Variants in AXDND1 observed in about 807,000 individuals in gnomAD.
AXDND1 encodes axonemal dynein light chain domain-containing protein 1.
Under a neutral mutation model 137.5 loss-of-function variants are expected in AXDND1, and 110 were observed. The observed-to-expected ratio is 0.80, with a 90% CI of 0.69 to 0.94. The LOEUF (loss-of-function observed/expected upper bound fraction) is 0.94, where lower values mean the gene tolerates loss of function less well. Ranked by LOEUF, AXDND1 falls within the 40% of genes least tolerant of loss-of-function variation. The pLI is 0.00. For missense variants in AXDND1, 1,191 were observed against 1,169.8 expected, an observed-to-expected ratio of 1.02 and a Z score of -0.26; for synonymous variants, 414 against 399.7, an observed-to-expected ratio of 1.04 and a Z score of -0.43.
intron 4 of AXDND1, among the ~76,000 whole-genome samples, chr1:179,373,487 A>G (rs567108340): frequency 6.6e-6 from 1 of 152,316 alleles, no homozygotes; most frequent in African/African-American, 2.4e-5. Context: ...TTTAAATTTC[A>G]TACGGAACCA....
At chr1:179,447,138 C>T (rs1321980615) in intron 16 of AXDND1, among the ~76,000 whole-genome samples, 1 of 152,152 alleles carries the variant, frequency 6.6e-6, no homozygotes, top group Non-Finnish European at 1.5e-5. Context: ...CCCTTCTCTC[C>T]TATTGAATAC....
chr1:179,412,140 T>C (rs923115324), intron 12 of AXDND1, among the ~76,000 whole-genome samples: 2 of 152,188 alleles, frequency 1.3e-5, no homozygotes, highest in African/African-American at 2.4e-5. Flanking sequence ...CATGAGCCAC[T>C]GTGGCTGACC....
intron 20 of AXDND1, among the ~76,000 whole-genome samples, chr1:179,499,751 A>G (rs1159011816): frequency 1.3e-5 from 2 of 152,170 alleles, no homozygotes; most frequent in Non-Finnish European, 2.9e-5. Context: ...GCAAAAAATT[A>G]TTTCAGGAAT....
chr1:179,366,456 A>C lies in AXDND1; in HGVS notation c.-54A>C, dbSNP rs1571487105. 2 of 1,451,782 alleles carry C rather than the reference A, an allele frequency of 1.4e-6. No homozygotes were observed. Among genetic ancestry groups the C allele is most frequent in the Admixed American group, 1.7e-5 (1 of 59,314 alleles). The allele number at this position is 1,451,782 out of a possible 1,614,324, so 89.9% of individuals were successfully genotyped here. A position where few individuals can be genotyped will look rare whatever the true frequency, so the allele number is the denominator to read the frequency against. ...TGCGGCGCTGATTTGTGTCTAAATTAGCTTTCCGGAGGACTATTTCAAATT... is the reference window on the plus strand; with the variant it reads ...TGCGGCGCTGATTTGTGTCTAAATTCGCTTTCCGGAGGACTATTTCAAATT... On this transcript the variant is annotated 5_prime_UTR_variant, in exon 2 of 26. Coordinates refer to ENST00000367618, the MANE Select transcript of AXDND1 (RefSeq NM_144696.6).
At chr1:179,427,524 A>G (rs1435485072) in intron 12 of AXDND1, among the ~76,000 whole-genome samples, 1 of 152,214 alleles carries the variant, frequency 6.6e-6, no homozygotes, top group African/African-American at 2.4e-5. Flanking sequence ...ACTTCATGAG[A>G]TTCAAATATC....
chr1:179,528,263 GC>G, intron 22 of AXDND1, 63 bp from the exon 23 acceptor site: 1 of 1,153,944 alleles, frequency 8.7e-7, no homozygotes, highest in Non-Finnish European at 1.3e-6. Flanking sequence ...TTGCTACCGT[GC>G]CAGGAAACTT....
intron 23 of AXDND1, among the ~76,000 whole-genome samples, chr1:179,533,366 T>C (rs1671203948): frequency 2.0e-5 from 3 of 152,200 alleles, no homozygotes; most frequent in South Asian, 4.1e-4. Flanking sequence ...AACGACTTCA[T>C]TGGATTTTGC....
Position 179,468,458 on chromosome 1 carries a change from T to C in AXDND1, c.1814T>C (p.Leu605Pro), listed in dbSNP as rs749152269. The C allele has an allele frequency of 2.3e-5, 37 of 1,608,460 alleles. No individual in the cohort carries two copies. Among genetic ancestry groups the C allele is most frequent in the Non-Finnish European group, 3.1e-5 (37 of 1,177,906 alleles). The change falls in exon 17 of 26, where the codon CTT (leucine) becomes CCT (proline). Residue 605 changes from leucine (L) to proline (P), a missense_variant. Transcript: ENST00000367618. ...ACTTTTCTAGGTTACTCCAAAATTC[T>C]TCCAAGTTTGATTAGTTCTCTTGAC... ...INGDNGYSKI[L>P]PSLISSLDFC... is the part of the protein sequence containing the mutation.
intron 15 of AXDND1, among the ~76,000 whole-genome samples, chr1:179,436,919 TC>T (rs1658239437): frequency 6.6e-6 from 1 of 152,126 alleles, no homozygotes; most frequent in Admixed American, 6.6e-5. Flanking sequence ...ACTTTTTTCT[TC>T]TTTGAATATA....
At chr1:179,478,576 AT>A (rs1334921687) in intron 17 of AXDND1, among the ~76,000 whole-genome samples, 1 of 152,088 alleles carries the variant, frequency 6.6e-6, no homozygotes, top group South Asian at 2.1e-4. Flanking sequence ...CCATGAAGCC[AT>A]TTTTTCCTCC....
At chr1:179,490,473 A>G (rs1161709554) in intron 18 of AXDND1, among the ~76,000 whole-genome samples, 1 of 152,234 alleles carries the variant, frequency 6.6e-6, no homozygotes, top group Non-Finnish European at 1.5e-5. Flanking sequence ...TTGGGTTTCA[A>G]TATTTTCACA....
chr1:179,371,297 G>A (rs1009725926), intron 4 of AXDND1, among the ~76,000 whole-genome samples: 4 of 152,026 alleles, frequency 2.6e-5, no homozygotes, highest in Admixed American at 6.5e-5. Context: ...GCGTGGTGGC[G>A]CACACCTGTA....
At chr1:179,444,707 T>C (rs1191495259) in intron 15 of AXDND1, among the ~76,000 whole-genome samples, 2 of 152,018 alleles carry the variant, frequency 1.3e-5, no homozygotes, top group East Asian at 1.9e-4. Flanking sequence ...CTACTTTTTT[T>C]TTTTTTTTAA....
chr1:179,498,815 CAT>C (rs1667712506), intron 20 of AXDND1, among the ~76,000 whole-genome samples: 1 of 151,932 alleles, frequency 6.6e-6, no homozygotes, highest in African/African-American at 2.4e-5. Flanking sequence ...GGCCAACAAA[CAT>C]ATGAAAAAAT....
At chr1:179,387,357 G>C (rs912818234) in intron 9 of AXDND1, among the ~76,000 whole-genome samples, 4 of 152,296 alleles carry the variant, frequency 2.6e-5, no homozygotes, top group African/African-American at 9.6e-5. Context: ...GGGTGAGAGA[G>C]AGAGAAAGAG....
chr1:179,482,098 A>ATTTTTTTTTT (rs57145549), intron 17 of AXDND1, among the ~76,000 whole-genome samples: 2 of 108,070 alleles, frequency 1.9e-5, no homozygotes, highest in African/African-American at 3.9e-5. Context: ...GAGCTTTTTA[A>ATTTTTTTTTT]TTTTTTTTTT....
intron 15 of AXDND1, among the ~76,000 whole-genome samples, chr1:179,444,356 C>T (rs1659428349): frequency 6.6e-6 from 1 of 152,090 alleles, no homozygotes; most frequent in Admixed American, 6.6e-5. Flanking sequence ...GTCCAGATCT[C>T]TCCAGTTTCA....
In AXDND1 at chr1:179,518,385, CT is replaced by C. The variant is rs71114530; in HGVS notation, c.2497-6935del. Among the ~76,000 whole-genome samples the C allele has an allele frequency of 7.7e-4, 112 of 145,112 alleles. 2 individuals are homozygous for C. Among genetic ancestry groups the C allele is most frequent in the African/African-American group, 1.7e-3 (65 of 38,960 alleles). The stretch of plus-strand genomic sequence containing the variant: ...GGCTTTATGATACATTTTCCTTTTT[CT>C]TTTTTTTTTTTTTGACTTTTAAGTT... On this transcript the variant is annotated intron_variant, in intron 21 of 25. Transcript: ENST00000367618.
intron 20 of AXDND1, among the ~76,000 whole-genome samples, chr1:179,507,831 T>G (rs1668677633): frequency 6.6e-6 from 1 of 152,082 alleles, no homozygotes; most frequent in Non-Finnish European, 1.5e-5. Context: ...TCTCAACTAA[T>G]TAGGTGAAGT....
Sources: gnomAD v4.1 joint callset for allele counts (sites outside exome capture counted in the v4.1 genomes callset) on GRCh38, gnomAD v4.1.1 for gene constraint, MANE v1.5 for transcripts, NCBI Gene and HGNC (gene_info 2026-07-23, HGNC 2026-07-21) for gene names.